TMOD1: variants seen among roughly 807,000 people sequenced by gnomAD.
The protein encoded by TMOD1 is tropomodulin-1.
In TMOD1, 17 loss-of-function variants were observed where a neutral mutation model predicts 40.6. The ratio of observed to expected loss-of-function variants is 0.42; its 90% CI spans 0.29 to 0.63. The LOEUF (loss-of-function observed/expected upper bound fraction) is 0.63, where lower values mean the gene tolerates loss of function less well. TMOD1 is among the 20% of genes least tolerant of loss of function. TMOD1 has a pLI of 0.22. For synonymous variants in TMOD1, 181 were observed against 175.0 expected (o/e 1.03, Z -0.27); for missense variants, 391 against 447.6 (o/e 0.87, Z 1.14).
intron 4 of TMOD1, among the ~76,000 whole-genome samples, chr9:97,559,813 ATATATATATATG>A (rs1563990706): frequency 3.3e-5 from 2 of 61,078 alleles, no homozygotes; most frequent in South Asian, 5.7e-4. Context: ...ATATATATAT[ATATATATATATG>A]TCTATCTATC....
intron 8 of TMOD1, among the ~76,000 whole-genome samples, chr9:97,576,613 T>C (rs1485615068): frequency 6.6e-6 from 1 of 150,964 alleles, no homozygotes; most frequent in African/African-American, 2.4e-5. Flanking sequence ...ACACAACTCA[T>C]TGGCCATGAT....
chr9:97,567,077 A>G (rs1830740131), intron 7 of TMOD1, among the ~76,000 whole-genome samples: 1 of 152,250 alleles, frequency 6.6e-6, no homozygotes, highest in Non-Finnish European at 1.5e-5. Flanking sequence ...TGATTCTTAA[A>G]ATAGGTAAGA....
At chr9:97,540,835 T>C (rs1830266272) in intron 2 of TMOD1, among the ~76,000 whole-genome samples, 1 of 152,336 alleles carries the variant, frequency 6.6e-6, no homozygotes, top group African/African-American at 2.4e-5. Context: ...GTTATAAATG[T>C]TCGTGTACAA....
chr9:97,597,589 T>C (rs1426004457), intron 9 of TMOD1, among the ~76,000 whole-genome samples: 1 of 149,702 alleles, frequency 6.7e-6, no homozygotes, highest in African/African-American at 2.5e-5. Context: ...TCCCAGCTAC[T>C]TGGGAGGCTG....
chr9:97,505,275 C>T (rs563027931), intron 1 of TMOD1, among the ~76,000 whole-genome samples: 1 of 152,302 alleles, frequency 6.6e-6, no homozygotes, highest in Admixed American at 6.5e-5. Flanking sequence ...ACATTACCAT[C>T]TGTGAGGAGG....
Position 97,569,946 on chromosome 9 carries a change from GT to G in TMOD1, c.870+920del, listed in dbSNP as rs549426839. ...TTTCTTTTTTATGAATGGGGACTCA[GT>G]TTTTTTTTTTCCACTACATGAAAAT... On this transcript the variant is annotated intron_variant, in intron 8 of 9. Transcript: ENST00000259365. Among the ~76,000 whole-genome samples the G allele has an allele frequency of 1.1e-3, 163 of 147,318 alleles. 1 individual carries two copies. Among genetic ancestry groups the G allele is most frequent in the African/African-American group, 3.2e-3 (130 of 40,366 alleles).
In TMOD1 at chr9:97,599,775, G is replaced by C; in HGVS notation, c.*77G>C. ...CTGTGCTCTGCAGGGGAAACCAGAAGGCAAAATGCTGGCAGCATGAAACCC... is the reference window on the plus strand; with the variant it reads ...CTGTGCTCTGCAGGGGAAACCAGAACGCAAAATGCTGGCAGCATGAAACCC... On this transcript the variant is annotated 3_prime_UTR_variant, in exon 10 of 10. Transcript: ENST00000259365. The C allele has an allele frequency of 6.2e-7, 1 of 1,607,306 alleles. No individual in the cohort carries two copies. The highest frequency in any genetic ancestry group is 8.5e-7 in the Non-Finnish European group (1 of 1,175,726).
chr9:97,555,372 G>A (rs1209449426), intron 4 of TMOD1: 8 of 1,258,912 alleles, frequency 6.4e-6, no homozygotes, highest in Non-Finnish European at 6.0e-6. Flanking sequence ...GCTTCATGAC[G>A]TCACTCCCCT....
chr9:97,564,125 A>T lies in TMOD1; in HGVS notation c.575A>T (p.Asn192Ile). 6.2e-7 allele frequency: 1 copy of T among 1,613,440 alleles called. No homozygotes were observed. ...GAGGAAACGCTGGAACGGATAAAGA[A>T]CAACGACCCAAAACTTGAAGAAGTT... ...DVEETLERIK[N>I]NDPKLEEVNL... The change falls in exon 6 of 10, where the codon AAC becomes ATC. Residue 192 changes from asparagine (N) to isoleucine (I), a missense_variant. By Grantham distance (149) the Asn-to-Ile change is moderately radical (BLOSUM62 -3). Coordinates refer to ENST00000259365, the MANE Select transcript of TMOD1 (RefSeq NM_003275.4).
In TMOD1 at chr9:97,600,623, T is replaced by C; in HGVS notation, c.*925T>C. On this transcript the variant is annotated 3_prime_UTR_variant, in exon 10 of 10. Transcript: ENST00000259365. The stretch of plus-strand genomic sequence containing the variant: ...TATGGTATTTAGTAATGGCCCAGCT[T>C]AGAGACTTCAGCTACTGATCTCATC... 1.0e-6 allele frequency: 1 copy of C among 987,824 alleles called. No individual in the cohort carries two copies. Among genetic ancestry groups the C allele is most frequent in the Non-Finnish European group, 1.2e-6 (1 of 831,574 alleles). The allele number at this position is 987,824 out of a possible 1,614,324, so 61.2% of individuals were successfully genotyped here. A position where few individuals can be genotyped will look rare whatever the true frequency, so the allele number is the denominator to read the frequency against.
At chr9:97,586,678 C>T (rs1207168332) in intron 8 of TMOD1, among the ~76,000 whole-genome samples, 1 of 152,258 alleles carries the variant, frequency 6.6e-6, no homozygotes, top group Non-Finnish European at 1.5e-5. Flanking sequence ...GTAGGACCCT[C>T]CGAGCCAGGT....
chr9:97,587,957 T>C (rs1825916398), intron 8 of TMOD1, among the ~76,000 whole-genome samples: 2 of 152,370 alleles, frequency 1.3e-5, no homozygotes, highest in African/African-American at 4.8e-5. Context: ...GACTGAATAA[T>C]ACTCCACTGT....
rs908613199 is a variant in TMOD1 at position 97,599,867 on chromosome 9, T to C, written c.*169T>C. On this transcript the variant is annotated 3_prime_UTR_variant, in exon 10 of 10. Transcript: ENST00000259365. ...CTAGTGGTTGTAGTTGAAAATTTTA[T>C]AAAATACCGTTAATGTGAAGTTTTT... The C allele has an allele frequency of 6.4e-6, 9 of 1,397,774 alleles. No homozygotes were observed. In the African/African-American group the frequency reaches 1.3e-4, roughly 20 times the overall value. 86.6% of individuals were successfully genotyped at this position (1,397,774 alleles called of 1,614,324 possible).
rs1830555366 is a variant in TMOD1, at chr9:97,557,582, G to C, written c.397+4182G>C. Among the ~76,000 whole-genome samples, 3 of 152,170 alleles carry C rather than the reference G, an allele frequency of 2.0e-5. No individual in the cohort carries two copies. The highest frequency in any genetic ancestry group is 4.1e-4 in the South Asian group (2 of 4,828). Reference sequence around the variant, plus strand: ...TGTCCTGCTACCCTGCCAGTGGCAGGGTGTATCTTATCCAGGAGCAGCTCA... The same window carrying C: ...TGTCCTGCTACCCTGCCAGTGGCAGCGTGTATCTTATCCAGGAGCAGCTCA... On this transcript the variant is annotated intron_variant, in intron 4 of 9. Transcript: ENST00000259365. This position sits in a 1 kb window ranked among gnomAD's most constrained non-coding sequence, Gnocchi z 4.4.
In TMOD1 at chr9:97,557,938, C is replaced by T. The variant is rs2131259727; in HGVS notation, c.397+4538C>T. 6.6e-6 allele frequency among the ~76,000 whole-genome samples: 1 copy of T among 151,892 alleles called. No homozygotes were observed. Among genetic ancestry groups the T allele is most frequent in the East Asian group, 1.9e-4 (1 of 5,158 alleles). ...TTGCCAATATCTACAAAGAATGAAG[C>T]AACAGGCAATGTTGATGTGCCGTTT... On this transcript the variant is annotated intron_variant, in intron 4 of 9. Transcript: ENST00000259365. This position sits in a 1 kb window ranked among gnomAD's most constrained non-coding sequence, Gnocchi z 4.4.
chr9:97,572,294 G>T (rs1017819990), intron 8 of TMOD1, among the ~76,000 whole-genome samples: 2 of 152,178 alleles, frequency 1.3e-5, no homozygotes, highest in Non-Finnish European at 2.9e-5. Flanking sequence ...CAGAAAGGGG[G>T]TTAGGAGTCG....
rs143525282 is a variant in TMOD1, at chr9:97,546,390, G to A, written c.277+49G>A. On this transcript the variant is annotated intron_variant, in intron 3 of 9. Coordinates refer to ENST00000259365, the MANE Select transcript of TMOD1 (RefSeq NM_003275.4). ...AATATGCCACTCCCCATGCACCATT[G>A]AGTGCCGACTGTATGCCAGGCCCTG... 61 of 1,581,586 alleles carry A rather than the reference G, an allele frequency of 3.9e-5. No individual in the cohort carries two copies. The African/African-American group carries it at 7.3e-4, about 19-fold the overall frequency.
intron 3 of TMOD1, among the ~76,000 whole-genome samples, chr9:97,550,543 T>A (rs1012043087): frequency 6.6e-6 from 1 of 152,194 alleles, no homozygotes; most frequent in African/African-American, 2.4e-5. Context: ...GAATTTTCCA[T>A]TTTTTAAAAT....
chr9:97,546,009 T>A (rs917158745), intron 2 of TMOD1, among the ~76,000 whole-genome samples, 176 bp from the exon 3 acceptor site: 1 of 152,200 alleles, frequency 6.6e-6, no homozygotes, highest in African/African-American at 2.4e-5. Flanking sequence ...CTCCCTGTCC[T>A]GGGGTTTCAG....
Sources: allele counts gnomAD v4.1 joint callset (sites outside exome capture counted in the v4.1 genomes callset), GRCh38; gene constraint gnomAD v4.1.1; non-coding constraint Gnocchi (gnomAD v3.1); transcripts MANE v1.5; gene names NCBI Gene and HGNC (gene_info 2026-07-23, HGNC 2026-07-21).